The following HACE1 variants were observed in gnomAD, a reference collection of about 807,000 sequenced individuals.
The protein encoded by HACE1 is HECT domain and ankyrin repeat containing E3 ubiquitin protein ligase 1.
In HACE1, 73 loss-of-function variants were observed where a neutral mutation model predicts 118.4. That is an observed-to-expected ratio of 0.62 (90% CI 0.51 to 0.75). HACE1 has a LOEUF of 0.75. Among genes scored for constraint, HACE1 ranks in the 30% least tolerant of loss-of-function variants. The probability of loss-of-function intolerance (pLI) is 0.00; values close to 1 mark genes in which losing one functional copy is unlikely to be tolerated. For missense variants in HACE1, 749 were observed against 1,102.2 expected (o/e 0.68, Z 4.54); for synonymous variants, 368 against 374.8 (o/e 0.98, Z 0.21).
chr6:104,784,880 T>C (rs1562363209), intron 12 of HACE1, 105 bp downstream of exon 12: 2 of 793,720 alleles, frequency 2.5e-6, no homozygotes, highest in East Asian at 2.5e-5. Flanking sequence ...AGGAGAAAAC[T>C]TTAAATCAAC....
intron 6 of HACE1, among the ~76,000 whole-genome samples, chr6:104,818,200 G>A (rs1325341678): frequency 6.6e-6 from 1 of 152,048 alleles, no homozygotes; most frequent in African/African-American, 2.4e-5. Context: ...CTGAAAACAA[G>A]TAGTCAACTA....
chr6:104,789,361 GAAGA>G (rs1287010824), intron 11 of HACE1, among the ~76,000 whole-genome samples: 2 of 152,158 alleles, frequency 1.3e-5, no homozygotes, highest in East Asian at 3.9e-4. Flanking sequence ...TAAGTGATGA[GAAGA>G]AATAGTAGTT....
At chr6:104,781,078 T>C (rs1370790007) in intron 14 of HACE1, among the ~76,000 whole-genome samples, 1 of 152,238 alleles carries the variant, frequency 6.6e-6, no homozygotes, top group African/African-American at 2.4e-5. Context: ...CTTTGATCAC[T>C]GCTAAGCTTC....
intron 19 of HACE1, among the ~76,000 whole-genome samples, chr6:104,766,264 T>C (rs1313806739): frequency 3.3e-5 from 5 of 152,060 alleles, no homozygotes; most frequent in African/African-American, 9.7e-5. Flanking sequence ...AAAAAATATA[T>C]ATGCAGCAGA....
At chr6:104,738,763 A>C (rs1776250251) in intron 22 of HACE1, among the ~76,000 whole-genome samples, 1 of 144,320 alleles carries the variant, frequency 6.9e-6, no homozygotes, top group South Asian at 2.2e-4. Context: ...TATCCAGGAG[A>C]ACTTCCCCAG....
intron 19 of HACE1, among the ~76,000 whole-genome samples, chr6:104,755,430 C>T (rs1157942524): frequency 6.6e-6 from 1 of 152,130 alleles, no homozygotes; most frequent in African/African-American, 2.4e-5. Context: ...TCAAGTGGAC[C>T]TGATAGATAT....
intron 19 of HACE1, among the ~76,000 whole-genome samples, chr6:104,760,596 T>C (rs757001640): frequency 1.3e-5 from 2 of 151,990 alleles, no homozygotes; most frequent in Non-Finnish European, 2.9e-5. Flanking sequence ...TCATACTGAA[T>C]AGGGAAAAAA....
intron 10 of HACE1, among the ~76,000 whole-genome samples, chr6:104,795,282 ATTC>A (rs1188420257): frequency 3.9e-5 from 6 of 152,156 alleles, no homozygotes; most frequent in Admixed American, 3.3e-4. Flanking sequence ...AACTTTCTCA[ATTC>A]TTCTTCATGT....
intron 6 of HACE1, among the ~76,000 whole-genome samples, chr6:104,817,304 T>C (rs1442144989): frequency 6.6e-6 from 1 of 152,078 alleles, no homozygotes; most frequent in Non-Finnish European, 1.5e-5. Flanking sequence ...GACTGGATCA[T>C]AGGGGCAAAT....
Position 104,859,612 on chromosome 6 carries a change from G to C in HACE1, c.31C>G (p.Leu11Val), listed in dbSNP as rs1397144678. The change falls in exon 1 of 24, where the codon CTG becomes GTG. Residue 11 changes from leucine to valine, a missense_variant. Coordinates refer to ENST00000262903, the MANE Select transcript of HACE1 (RefSeq NM_020771.4). Reference sequence around the variant, plus strand: ...CGCGCGCGGCGCAGCGAGCGCGTCAGGCGGTTGAGTTGCTCCATCGCTCTC... The same window carrying C: ...CGCGCGCGGCGCAGCGAGCGCGTCACGCGGTTGAGTTGCTCCATCGCTCTC... MERAMEQLNR[L>V]TRSLRRARTV... is the part of the protein sequence containing the mutation. 2 of 1,531,554 alleles carry C rather than the reference G, an allele frequency of 1.3e-6. No individual in the cohort carries two copies. The highest frequency in any genetic ancestry group is 1.7e-6 in the Non-Finnish European group (2 of 1,142,952). 94.9% of individuals were successfully genotyped at this position (1,531,554 alleles called of 1,614,324 possible).
At chr6:104,735,500 G>A (rs999222381) in intron 22 of HACE1, among the ~76,000 whole-genome samples, 5 of 151,950 alleles carry the variant, frequency 3.3e-5, no homozygotes, top group Admixed American at 6.6e-5. Flanking sequence ...GCATGGTGGC[G>A]GGTGCCTATA....
At chr6:104,754,957 T>C (rs560153731) in intron 19 of HACE1, among the ~76,000 whole-genome samples, 55 of 152,212 alleles carry the variant, frequency 3.6e-4, no homozygotes, top group African/African-American at 1.3e-3. Flanking sequence ...TAAATGTAAA[T>C]GGGTTAAATG....
intron 5 of HACE1, 66 bp downstream of exon 5, chr6:104,843,157 T>G: frequency 1.1e-6 from 1 of 874,820 alleles, no homozygotes; most frequent in South Asian, 1.3e-5. Context: ...TTTGCCTAAC[T>G]GTCACATTCA....
Position 104,849,175 on chromosome 6 carries a change from C to A in HACE1, c.293G>T (p.Gly98Val). ...TGCTGCCAAATGAAGGGGTGTACAG[C>A]CTGAAATATCTTGATAGTTAGGATT... is the stretch of plus-strand genomic sequence containing the variant. ...GANPNYQDIS[G>V]CTPLHLAARN... The change falls in exon 4 of 24, where the codon GGC becomes GTC. Residue 98 changes from glycine to valine, a missense_variant. Transcript: ENST00000262903. The A allele has an allele frequency of 6.2e-7, 1 of 1,608,368 alleles. No individual in the cohort carries two copies. The highest frequency in any genetic ancestry group is 8.5e-7 in the Non-Finnish European group (1 of 1,174,866).
At chr6:104,798,688 T>C (rs921165236) in intron 7 of HACE1, among the ~76,000 whole-genome samples, 2 of 152,150 alleles carry the variant, frequency 1.3e-5, no homozygotes, top group African/African-American at 2.4e-5. Flanking sequence ...TTATAAACAA[T>C]AGCTAACAGT....
In HACE1 at chr6:104,826,986, C is replaced by G. The variant is rs144587730; in HGVS notation, c.534+6056G>C. 9.9e-4 allele frequency among the ~76,000 whole-genome samples: 151 copies of G among 152,220 alleles called. 2 individuals are homozygous for G. Among genetic ancestry groups the G allele is most frequent in the African/African-American group, 3.6e-3 (149 of 41,540 alleles). The stretch of plus-strand genomic sequence containing the variant: ...ATTTTCATATGGCCTTCAAGAGATC[C>G]TTAAGAAGAAATAACATATTTCAAC... On this transcript the variant is annotated intron_variant, in intron 6 of 23. Coordinates refer to ENST00000262903, the MANE Select transcript of HACE1 (RefSeq NM_020771.4).
At chr6:104,758,654 T>C (rs1056599946) in intron 19 of HACE1, among the ~76,000 whole-genome samples, 1 of 151,922 alleles carries the variant, frequency 6.6e-6, no homozygotes, top group Non-Finnish European at 1.5e-5. Flanking sequence ...ATGGGCAAAA[T>C]AACCAGCTAG....
Position 104,753,971 on chromosome 6 carries a change from G to A in HACE1, c.2212-3499C>T, listed in dbSNP as rs1778345296. Reference sequence around the variant, plus strand: ...TAATAAACTTCACTGAGATAAAGGAGCATGTTTTAACCCAATGCAAAGAAG... The same window carrying A: ...TAATAAACTTCACTGAGATAAAGGAACATGTTTTAACCCAATGCAAAGAAG... On this transcript the variant is annotated intron_variant, in intron 19 of 23. Transcript: ENST00000262903. Among the ~76,000 whole-genome samples the A allele has an allele frequency of 2.0e-5, 3 of 152,132 alleles. No individual in the cohort carries two copies. In the South Asian group the frequency reaches 6.2e-4, roughly 32 times the overall value.
intron 19 of HACE1, among the ~76,000 whole-genome samples, chr6:104,753,758 C>T (rs1465985708): frequency 6.6e-6 from 1 of 152,120 alleles, no homozygotes; most frequent in Non-Finnish European, 1.5e-5. Flanking sequence ...AGGTCAGCAA[C>T]CTCAAAGAAC....
Sources: gnomAD v4.1 joint callset for allele counts (sites outside exome capture counted in the v4.1 genomes callset) on GRCh38, gnomAD v4.1.1 for gene constraint, MANE v1.5 for transcripts, NCBI Gene and HGNC (gene_info 2026-07-23, HGNC 2026-07-21) for gene names.